EYS: variants seen among roughly 807,000 people sequenced by gnomAD.
The protein encoded by EYS is protein eyes shut homolog.
Under a neutral mutation model 282.1 loss-of-function variants are expected in EYS, and 250 were observed. The ratio of observed to expected loss-of-function variants is 0.89; its 90% CI spans 0.80 to 0.98. The LOEUF (loss-of-function observed/expected upper bound fraction) is 0.98, where lower values mean the gene tolerates loss of function less well. Among genes scored for constraint, EYS ranks in the 50% least tolerant of loss-of-function variants. EYS has a pLI of 0.00. For missense variants in EYS, 4,016 were observed against 3,709.0 expected (o/e 1.08, Z -2.15); for synonymous variants, 1,355 against 1,282.9 (o/e 1.06, Z -1.20).
intron 22 of EYS, among the ~76,000 whole-genome samples, chr6:64,763,718 A>G (rs1434655137): frequency 6.6e-6 from 1 of 152,172 alleles, no homozygotes; most frequent in East Asian, 1.9e-4. Context: ...GAGACAAAAC[A>G]AATCCCTTCC....
chr6:65,175,296 A>G (rs1016701746), intron 12 of EYS, among the ~76,000 whole-genome samples: 3 of 151,386 alleles, frequency 2.0e-5, no homozygotes, highest in African/African-American at 7.2e-5. Context: ...TTGGAATATA[A>G]TAGTAAGGCA....
intron 22 of EYS, among the ~76,000 whole-genome samples, chr6:64,630,677 C>T (rs901415429): frequency 6.6e-6 from 1 of 152,044 alleles, no homozygotes; most frequent in Non-Finnish European, 1.5e-5. Flanking sequence ...TTAATGCAGT[C>T]ATCTTCTTGT....
At chr6:64,249,127 A>G (rs955240128) in intron 30 of EYS, among the ~76,000 whole-genome samples, 1 of 151,802 alleles carries the variant, frequency 6.6e-6, no homozygotes. Context: ...TATTCACAAT[A>G]TCAAAAATAT....
At chr6:65,063,041 T>G (rs1482600681) in intron 12 of EYS, among the ~76,000 whole-genome samples, 5 of 151,994 alleles carry the variant, frequency 3.3e-5, no homozygotes, top group Non-Finnish European at 5.9e-5. Flanking sequence ...ATTAAATATT[T>G]TAAATGAATT....
At chr6:64,143,356 TAAAA>T (rs60699526) in intron 31 of EYS, among the ~76,000 whole-genome samples, 3,556 of 89,766 alleles carry the variant, frequency 0.04, 170 homozygotes, top group African/African-American at 0.12. Context: ...TCATTTATTG[TAAAA>T]AAAAAAAAAA....
Position 64,822,693 on chromosome 6 carries a change from G to C in EYS, c.3122C>G (p.Thr1041Arg), listed in dbSNP as rs867042527. The change falls in exon 20 of 43, where the codon ACA becomes AGA. Residue 1041 changes from threonine to arginine, a missense_variant. Transcript: ENST00000503581. The stretch of plus-strand genomic sequence containing the variant: ...ATTTGAAAGGCAATCATTGGCGTTT[G>C]TTTCACAGTGTGTTCCAAAAAACCC... ...KSGFFGTHCE[T>R]NANDCLSNPC... is the part of the protein sequence containing the mutation. 1 of 1,547,230 alleles carries C rather than the reference G, an allele frequency of 6.5e-7. No homozygotes were observed. Among genetic ancestry groups the C allele is most frequent in the East Asian group, 2.5e-5 (1 of 40,728 alleles).
intron 15 of EYS, among the ~76,000 whole-genome samples, chr6:64,938,075 C>T (rs1055145296): frequency 5.9e-5 from 9 of 151,346 alleles, no homozygotes; most frequent in African/African-American, 2.2e-4. Flanking sequence ...ACAGACAAAT[C>T]CTAGAGATAG....
chr6:64,557,033 C>G (rs933862010), intron 26 of EYS, among the ~76,000 whole-genome samples: 1 of 151,704 alleles, frequency 6.6e-6, no homozygotes, highest in African/African-American at 2.4e-5. Flanking sequence ...TTCCACTAAG[C>G]TGACAATAAG....
At chr6:64,732,470 C>A (rs952705128) in intron 22 of EYS, among the ~76,000 whole-genome samples, 6 of 151,832 alleles carry the variant, frequency 4.0e-5, no homozygotes, top group Admixed American at 3.3e-4. Flanking sequence ...TTATAAACAT[C>A]TTAGATATGG....
chr6:64,331,471 G>A (rs1055355862), intron 29 of EYS, among the ~76,000 whole-genome samples: 4 of 152,030 alleles, frequency 2.6e-5, no homozygotes, highest in Admixed American at 2.6e-4. Flanking sequence ...GCCCTTACTG[G>A]AGCTTCCCCT....
At chr6:65,249,652 G>A (rs1767268872) in intron 12 of EYS, among the ~76,000 whole-genome samples, 1 of 151,642 alleles carries the variant, frequency 6.6e-6, no homozygotes, top group African/African-American at 2.4e-5. Context: ...TATAAAAATT[G>A]TTGGAAATTT....
intron 19 of EYS, among the ~76,000 whole-genome samples, chr6:64,882,545 AT>A (rs932661116): frequency 6.6e-6 from 1 of 151,744 alleles, no homozygotes; most frequent in Non-Finnish European, 1.5e-5. Flanking sequence ...ACAAAAAAAA[AT>A]GATTACTATT....
At chr6:64,716,078 G>A (rs1469250165) in intron 22 of EYS, among the ~76,000 whole-genome samples, 1 of 152,210 alleles carries the variant, frequency 6.6e-6, no homozygotes, top group African/African-American at 2.4e-5. Flanking sequence ...TGAGTTAAGG[G>A]TGTATAGTTT....
At chr6:64,073,725 TGAATGTA>T (rs1315172121) in intron 32 of EYS, among the ~76,000 whole-genome samples, 1 of 151,746 alleles carries the variant, frequency 6.6e-6, no homozygotes, top group East Asian at 1.9e-4. Context: ...CATTGCTCGT[TGAATGTA>T]GACATCAAGC....
chr6:63,757,965 A>G (rs1016965144), intron 41 of EYS, among the ~76,000 whole-genome samples: 1 of 152,180 alleles, frequency 6.6e-6, no homozygotes, highest in Non-Finnish European at 1.5e-5. Flanking sequence ...CAGTGGCATG[A>G]TCACAGCTCA....
chr6:64,989,481 ATATAT>A (rs1770982256), intron 14 of EYS, among the ~76,000 whole-genome samples: 6 of 131,140 alleles, frequency 4.6e-5, no homozygotes, highest in African/African-American at 1.7e-4. Flanking sequence ...ATATATATAT[ATATAT>A]AAGAATATAT....
chr6:64,018,772 T>TTG (rs1554198311), intron 33 of EYS, among the ~76,000 whole-genome samples: 6 of 116,044 alleles, frequency 5.2e-5, no homozygotes, highest in African/African-American at 2.3e-4. Context: ...TTTTTTTTTT[T>TTG]TTTTTTTTTT....
At chr6:65,143,607 G>T (rs985227403) in intron 12 of EYS, among the ~76,000 whole-genome samples, 1 of 152,022 alleles carries the variant, frequency 6.6e-6, no homozygotes, top group African/African-American at 2.4e-5. Context: ...AAATTGAGAT[G>T]TAATTTAAGG....
At chr6:64,916,433 A>G (rs1247744175) in intron 15 of EYS, among the ~76,000 whole-genome samples, 1 of 152,204 alleles carries the variant, frequency 6.6e-6, no homozygotes, top group East Asian at 1.9e-4. Flanking sequence ...TGGAGATAAC[A>G]TGGATGTTTT....
Sources: gnomAD v4.1 joint callset for allele counts (sites outside exome capture counted in the v4.1 genomes callset) on GRCh38, gnomAD v4.1.1 for gene constraint, MANE v1.5 for transcripts, NCBI Gene and HGNC (gene_info 2026-07-23, HGNC 2026-07-21) for gene names.